The following STK38 variants were observed in gnomAD, a reference collection of about 807,000 sequenced individuals.
STK38 encodes the protein serine/threonine-protein kinase 38.
A neutral mutation model predicts 59.0 loss-of-function variants in STK38; 26 were observed. The ratio of observed to expected loss-of-function variants is 0.44; its 90% CI spans 0.32 to 0.61. STK38 has a LOEUF of 0.61. Among genes scored for constraint, STK38 ranks in the 20% least tolerant of loss-of-function variants. STK38 has a pLI of 0.04. For missense variants in STK38, 433 were observed against 566.0 expected (o/e 0.76, Z 2.38); for synonymous variants, 175 against 176.6 (o/e 0.99, Z 0.07).
intron 1 of STK38, among the ~76,000 whole-genome samples, chr6:36,546,291 G>C (rs183371239): frequency 6.6e-6 from 1 of 152,318 alleles, no homozygotes; most frequent in East Asian, 1.9e-4. Flanking sequence ...GGGGGATAGG[G>C]CTGGGACATG....
chr6:36,511,380 A>G (rs1777105372), intron 7 of STK38, among the ~76,000 whole-genome samples: 1 of 151,686 alleles, frequency 6.6e-6, no homozygotes, highest in Non-Finnish European at 1.5e-5. Flanking sequence ...TTTCTGAGAC[A>G]GAGTCTCGCT....
At chr6:36,497,693 G>A in intron 12 of STK38, 87 bp downstream of exon 12, 1 of 1,046,236 alleles carries the variant, frequency 9.6e-7, no homozygotes, top group Non-Finnish European at 1.4e-6. Context: ...TCCCTTACTT[G>A]GCTTGCCAAT....
chr6:36,511,154 A>T (rs1777098999), intron 7 of STK38, among the ~76,000 whole-genome samples: 1 of 152,168 alleles, frequency 6.6e-6, no homozygotes, highest in South Asian at 2.1e-4. Flanking sequence ...CACCTTTCTC[A>T]AGGACATCAT....
intron 9 of STK38, among the ~76,000 whole-genome samples, chr6:36,501,426 T>C (rs1205660542): frequency 2.0e-5 from 3 of 152,172 alleles, no homozygotes; most frequent in Non-Finnish European, 4.4e-5. Flanking sequence ...TACAGTTGTA[T>C]TGTTTTTAAA....
chr6:36,520,617 T>C (rs190254168), intron 5 of STK38, among the ~76,000 whole-genome samples: 13 of 152,294 alleles, frequency 8.5e-5, no homozygotes, highest in African/African-American at 3.1e-4. Flanking sequence ...TACACACCCA[T>C]ACCACACACT....
In STK38 at chr6:36,547,434, CCG is replaced by C. The variant is rs752271421; in HGVS notation, c.-252_-251del. On this transcript the variant is annotated 5_prime_UTR_variant, in exon 1 of 14. Coordinates refer to ENST00000229812, the MANE Select transcript of STK38 (RefSeq NM_007271.4). ...GGGGCCAAGGCAGCCCGGTCCCCCG[CCG>C]CGGAGACGGGCTGGCGCGGCAGCCC... 1 of 152,248 alleles carries C rather than the reference CCG, an allele frequency of 6.6e-6. No individual in the cohort carries two copies. The highest frequency in any genetic ancestry group is 1.5e-5 in the Non-Finnish European group (1 of 68,094). 9.4% of individuals were successfully genotyped at this position (152,248 alleles called of 1,614,324 possible).
chr6:36,496,481 T>C (rs539464518), intron 13 of STK38, among the ~76,000 whole-genome samples: 7 of 152,328 alleles, frequency 4.6e-5, no homozygotes, highest in Non-Finnish European at 7.3e-5. Flanking sequence ...GAACAGATTT[T>C]TGTGACTTAC....
At chr6:36,517,586 A>C in intron 6 of STK38, 131 bp downstream of exon 6, 1 of 1,181,558 alleles carries the variant, frequency 8.5e-7, no homozygotes. Context: ...CTTCCTTTAT[A>C]GACCTAAAAA....
intron 1 of STK38, among the ~76,000 whole-genome samples, chr6:36,543,106 C>T (rs1000407521): frequency 2.6e-5 from 4 of 151,648 alleles, no homozygotes; most frequent in African/African-American, 9.7e-5. Context: ...GCTCTGTCGC[C>T]CAGGCTGGAG....
chr6:36,499,002 C>T (rs1419339830), intron 10 of STK38, among the ~76,000 whole-genome samples: 1 of 151,964 alleles, frequency 6.6e-6, no homozygotes, highest in Non-Finnish European at 1.5e-5. Flanking sequence ...TTTTCATTTT[C>T]CCCCAAACTC....
In STK38 at chr6:36,530,991, G is replaced by A. The variant is rs78388552; in HGVS notation, c.132-5349C>T. ...ATGTGTGAGCCCCTGTACCCAGCCA[G>A]AAATACCCTAAAATTAACACTACAC... On this transcript the variant is annotated intron_variant, in intron 2 of 13. Coordinates refer to ENST00000229812, the MANE Select transcript of STK38 (RefSeq NM_007271.4). Among the ~76,000 whole-genome samples the A allele has an allele frequency of 3.7e-3, 568 of 152,178 alleles. 3 individuals are homozygous for A. Among genetic ancestry groups the A allele is most frequent in the African/African-American group, 0.013 (530 of 41,538 alleles).
chr6:36,531,669 G>A (rs1053713261), intron 2 of STK38, among the ~76,000 whole-genome samples: 1 of 152,168 alleles, frequency 6.6e-6, no homozygotes, highest in Non-Finnish European at 1.5e-5. Context: ...AGACCATCAG[G>A]TGGCATTCTG....
chr6:36,499,952 A>G lies in STK38; in HGVS notation c.873T>C (p.Pro291=). ...TGTACCCGGTCTGCATGAACACCTC[A>G]GGAGCAATGTAGTCAGGAGTGCCTA... ...STVGTPDYIA[P]EVFMQTGYNK... Residue 291 remains proline (P), a synonymous_variant, in exon 10 of 14, where the codon CCT becomes CCC. Coordinates refer to ENST00000229812, the MANE Select transcript of STK38 (RefSeq NM_007271.4). The G allele has an allele frequency of 1.9e-6, 3 of 1,614,130 alleles. No homozygotes were observed. Among genetic ancestry groups the G allele is most frequent in the Non-Finnish European group, 1.7e-6 (2 of 1,179,984 alleles).
chr6:36,513,354 C>T (rs1333251406), intron 7 of STK38, among the ~76,000 whole-genome samples: 2 of 144,350 alleles, frequency 1.4e-5, no homozygotes, highest in East Asian at 2.0e-4. Flanking sequence ...CTCGCTCTGT[C>T]ACCAGGCTAG....
intron 1 of STK38, among the ~76,000 whole-genome samples, chr6:36,541,821 TTTTC>T (rs1227837575): frequency 1.4e-5 from 2 of 139,952 alleles, no homozygotes; most frequent in Admixed American, 7.7e-5. Flanking sequence ...TTTTCCATGT[TTTTC>T]TTTTTCTTTT....
chr6:36,501,452 T>C (rs1225625931), intron 9 of STK38, among the ~76,000 whole-genome samples: 4 of 152,030 alleles, frequency 2.6e-5, no homozygotes, highest in African/African-American at 7.3e-5. Flanking sequence ...TATTATGAAA[T>C]ATTACAAACA....
chr6:36,537,682 G>C (rs1777827235), intron 2 of STK38, among the ~76,000 whole-genome samples: 1 of 152,096 alleles, frequency 6.6e-6, no homozygotes, highest in African/African-American at 2.4e-5. Flanking sequence ...AGGATCACTT[G>C]AACCCCGGAG....
At chr6:36,535,874 CAAAAA>C (rs35930267) in intron 2 of STK38, among the ~76,000 whole-genome samples, 2 of 75,412 alleles carry the variant, frequency 2.7e-5, no homozygotes. Flanking sequence ...GACTCCGTCT[CAAAAA>C]AAAAAAAAAA....
At chr6:36,527,751 A>G (rs1777566365) in intron 2 of STK38, among the ~76,000 whole-genome samples, 1 of 152,100 alleles carries the variant, frequency 6.6e-6, no homozygotes, top group Admixed American at 6.6e-5. Context: ...TCCACCACTC[A>G]TCAGCATTCC....
Sources: allele counts gnomAD v4.1 joint callset (sites outside exome capture counted in the v4.1 genomes callset), GRCh38; gene constraint gnomAD v4.1.1; transcripts MANE v1.5; gene names NCBI Gene and HGNC (gene_info 2026-07-23, HGNC 2026-07-21).